The following CDKAL1 variants were observed in gnomAD, a reference collection of about 807,000 sequenced individuals.
CDKAL1 encodes the protein threonylcarbamoyladenosine tRNA methylthiotransferase.
CDKAL1 carries 32 observed loss-of-function variants against 68.2 expected under a neutral mutation model. The observed-to-expected ratio is 0.47, with a 90% CI of 0.35 to 0.63. CDKAL1 has a LOEUF of 0.63. Ranked by LOEUF, CDKAL1 falls within the 30% of genes least tolerant of loss-of-function variation. The pLI is 0.00. For missense variants in CDKAL1, 606 were observed against 696.7 expected (o/e 0.87, Z 1.47); for synonymous variants, 234 against 244.3 (o/e 0.96, Z 0.39).
At chr6:20,980,404 A>C (rs1009166538) in intron 10 of CDKAL1, among the ~76,000 whole-genome samples, 1 of 151,798 alleles carries the variant, frequency 6.6e-6, no homozygotes, top group Non-Finnish European at 1.5e-5. Context: ...TGCCTGGCAA[A>C]TTTTTTGTAT....
At chr6:20,560,494 A>G (rs901344477) in intron 4 of CDKAL1, among the ~76,000 whole-genome samples, 6 of 152,206 alleles carry the variant, frequency 3.9e-5, no homozygotes, top group Non-Finnish European at 8.8e-5. Context: ...GAGCATATGA[A>G]GGTGGGAGTT....
chr6:20,847,798 C>A (rs1486199721), intron 9 of CDKAL1, among the ~76,000 whole-genome samples: 1 of 152,082 alleles, frequency 6.6e-6, no homozygotes, highest in African/African-American at 2.4e-5. Flanking sequence ...AGGTTCTTTG[C>A]GTTTTAAACA....
chr6:20,858,384 G>A (rs758352016), intron 9 of CDKAL1, among the ~76,000 whole-genome samples: 1 of 151,848 alleles, frequency 6.6e-6, no homozygotes, highest in Non-Finnish European at 1.5e-5. Flanking sequence ...GCCTTTCAAA[G>A]CAAAATATCA....
chr6:20,851,941 G>C (rs76834827), intron 9 of CDKAL1, among the ~76,000 whole-genome samples: 1 of 151,686 alleles, frequency 6.6e-6, no homozygotes, highest in Non-Finnish European at 1.5e-5. Context: ...CACTGATTTC[G>C]ACCCAAGATT....
intron 4 of CDKAL1, among the ~76,000 whole-genome samples, chr6:20,581,666 AG>A (rs1316476595): frequency 2.6e-5 from 4 of 152,186 alleles, no homozygotes; most frequent in African/African-American, 9.6e-5. Flanking sequence ...TTCAGAACTG[AG>A]CAGTTTGAGA....
intron 5 of CDKAL1, among the ~76,000 whole-genome samples, chr6:20,727,652 T>C (rs1050239676): frequency 6.6e-6 from 1 of 152,192 alleles, no homozygotes; most frequent in African/African-American, 2.4e-5. Context: ...CCTTTACAAA[T>C]GGAACTTTAT....
intron 4 of CDKAL1, among the ~76,000 whole-genome samples, chr6:20,580,939 G>C (rs977309534): frequency 1.3e-5 from 2 of 152,044 alleles, no homozygotes; most frequent in African/African-American, 4.8e-5. Context: ...ATAGGCATGC[G>C]CCACCACGCC....
intron 4 of CDKAL1, among the ~76,000 whole-genome samples, chr6:20,625,491 G>C (rs1360112839): frequency 1.3e-5 from 2 of 152,056 alleles, no homozygotes; most frequent in Non-Finnish European, 2.9e-5. Context: ...GAAAAGTTCT[G>C]AATATCTCTT....
chr6:21,169,773 G>A (rs989946476), intron 13 of CDKAL1, among the ~76,000 whole-genome samples: 2 of 152,184 alleles, frequency 1.3e-5, no homozygotes, highest in African/African-American at 4.8e-5. Context: ...TGGCTGGGGA[G>A]GCCTCATAAT....
intron 10 of CDKAL1, among the ~76,000 whole-genome samples, chr6:20,988,847 A>G (rs1766632866): frequency 6.8e-6 from 1 of 148,072 alleles, no homozygotes; most frequent in Non-Finnish European, 1.5e-5. Context: ...TTTAGTAGAG[A>G]CGGGGTTTCA....
intron 13 of CDKAL1, among the ~76,000 whole-genome samples, chr6:21,145,548 A>G (rs1051822175): frequency 6.6e-6 from 1 of 152,144 alleles, no homozygotes; most frequent in Non-Finnish European, 1.5e-5. Flanking sequence ...TTTTTAGGGG[A>G]CCAAGTTAAT....
intron 8 of CDKAL1, among the ~76,000 whole-genome samples, chr6:20,796,055 A>T (rs1439389078): frequency 6.6e-6 from 1 of 152,200 alleles, no homozygotes; most frequent in African/African-American, 2.4e-5. Context: ...AGATTTATGA[A>T]AATACAGAAA....
intron 9 of CDKAL1, among the ~76,000 whole-genome samples, chr6:20,879,328 G>A (rs2150558553): frequency 6.6e-6 from 1 of 152,288 alleles, no homozygotes; most frequent in East Asian, 1.9e-4. Flanking sequence ...TGAAGTCTTG[G>A]TCTTCCCTGG....
At chr6:20,880,143 A>G (rs559696846) in intron 9 of CDKAL1, among the ~76,000 whole-genome samples, 11 of 152,376 alleles carry the variant, frequency 7.2e-5, no homozygotes, top group South Asian at 2.1e-4. Flanking sequence ...TCATGCATCA[A>G]TAGAAAGAAA....
intron 4 of CDKAL1, among the ~76,000 whole-genome samples, chr6:20,600,474 C>T (rs1256127096): frequency 6.6e-6 from 1 of 151,934 alleles, no homozygotes; most frequent in African/African-American, 2.4e-5. Flanking sequence ...GAAGACGCCT[C>T]TGTATTTGAA....
intron 9 of CDKAL1, among the ~76,000 whole-genome samples, chr6:20,865,428 A>T (rs1164181144): frequency 6.6e-6 from 1 of 152,180 alleles, no homozygotes; most frequent in African/African-American, 2.4e-5. Flanking sequence ...TTCGTTGTCC[A>T]TAGCTGTTGC....
intron 11 of CDKAL1, among the ~76,000 whole-genome samples, chr6:21,006,616 A>G (rs1310257707): frequency 6.6e-6 from 1 of 152,356 alleles, no homozygotes; most frequent in East Asian, 1.9e-4. Flanking sequence ...ATATCATTGG[A>G]TCAGTTATTT....
chr6:21,188,554 T>C (rs1032408891), intron 13 of CDKAL1, among the ~76,000 whole-genome samples: 1 of 152,084 alleles, frequency 6.6e-6, no homozygotes, highest in Non-Finnish European at 1.5e-5. Flanking sequence ...CATAAAAAAG[T>C]TCTACACTTA....
At chr6:20,732,582 TG>T (rs1238545170) in intron 5 of CDKAL1, among the ~76,000 whole-genome samples, 2 of 152,042 alleles carry the variant, frequency 1.3e-5, no homozygotes, top group African/African-American at 4.8e-5. Flanking sequence ...CCACTATGCC[TG>T]GCTGACAAGT....
Sources: allele counts gnomAD v4.1 joint callset (sites outside exome capture counted in the v4.1 genomes callset), GRCh38; gene constraint gnomAD v4.1.1; transcripts MANE v1.5; gene names NCBI Gene and HGNC (gene_info 2026-07-23, HGNC 2026-07-21).